Variants in KDM4C observed in about 807,000 individuals in gnomAD.
KDM4C encodes the protein lysine demethylase 4C.
In KDM4C, 81 loss-of-function variants were observed where a neutral mutation model predicts 129.3. That is an observed-to-expected ratio of 0.63 (90% CI 0.52 to 0.75). The LOEUF (loss-of-function observed/expected upper bound fraction) is 0.75, where lower values mean the gene tolerates loss of function less well. KDM4C is among the 30% of genes least tolerant of loss of function. The probability of loss-of-function intolerance (pLI) is 0.00; values close to 1 mark genes in which losing one functional copy is unlikely to be tolerated. For missense variants in KDM4C, 1,457 were observed against 1,304.0 expected, an observed-to-expected ratio of 1.12 and a Z score of -1.81; for synonymous variants, 573 against 456.1, an observed-to-expected ratio of 1.26 and a Z score of -3.26.
intron 1 of KDM4C, among the ~76,000 whole-genome samples, chr9:6,736,980 G>C (rs1009683806): frequency 6.6e-6 from 1 of 150,794 alleles, no homozygotes; most frequent in African/African-American, 2.4e-5. Flanking sequence ...GAACCTGGGA[G>C]GGGGAGGTTG....
chr9:7,166,343 A>C (rs115363719), intron 20 of KDM4C, among the ~76,000 whole-genome samples: 1,592 of 152,330 alleles, frequency 0.01, 37 homozygotes, highest in African/African-American at 0.036. Flanking sequence ...GTGTAATTAA[A>C]GGTGTTCAAA....
At chr9:6,755,325 C>T (rs976490839), upstream of KDM4C, among the ~76,000 whole-genome samples, 8 of 151,446 alleles carry the variant, frequency 5.3e-5, no homozygotes, top group South Asian at 2.1e-4. Flanking sequence ...GAGCTGAGAT[C>T]GCGCCACTGC....
intron 8 of KDM4C, among the ~76,000 whole-genome samples, chr9:6,942,042 T>C (rs1826042637): frequency 6.6e-6 from 1 of 152,224 alleles, no homozygotes; most frequent in East Asian, 1.9e-4. Context: ...AAAGGGCTCT[T>C]TTAAAAAGGG....
At chr9:7,042,116 G>T (rs1204240794) in intron 15 of KDM4C, among the ~76,000 whole-genome samples, 1 of 151,994 alleles carries the variant, frequency 6.6e-6, no homozygotes, top group Non-Finnish European at 1.5e-5. Context: ...TTCGTATTTA[G>T]TATGTGCTTA....
At chr9:7,127,844 C>T in intron 18 of KDM4C, 1 of 400,142 alleles carries the variant, frequency 2.5e-6, no homozygotes, top group South Asian at 5.2e-5. Flanking sequence ...ATGGATGAAC[C>T]TGGGTAAAGA....
chr9:7,026,314 T>C (rs1488060751), intron 15 of KDM4C, among the ~76,000 whole-genome samples: 1 of 152,152 alleles, frequency 6.6e-6, no homozygotes, highest in Non-Finnish European at 1.5e-5. Flanking sequence ...AGTCTTTTTT[T>C]CTCCTTTACG....
At chr9:7,056,960 C>G (rs1830953616) in intron 17 of KDM4C, among the ~76,000 whole-genome samples, 2 of 152,020 alleles carry the variant, frequency 1.3e-5, no homozygotes, top group Admixed American at 6.6e-5. Flanking sequence ...TTAGACAGCT[C>G]TAAACAATCT....
At chr9:6,956,072 T>A (rs1375903118) in intron 8 of KDM4C, among the ~76,000 whole-genome samples, 4 of 151,964 alleles carry the variant, frequency 2.6e-5, no homozygotes, top group Non-Finnish European at 5.9e-5. Flanking sequence ...CTCATGGACA[T>A]GGTAGAAGGA....
At chr9:6,913,897 A>G (rs1819802498) in intron 8 of KDM4C, among the ~76,000 whole-genome samples, 1 of 152,140 alleles carries the variant, frequency 6.6e-6, no homozygotes, top group South Asian at 2.1e-4. Flanking sequence ...GATGGAAGGG[A>G]TAGTATGAGA....
chr9:6,813,934 A>T (rs976449182), intron 3 of KDM4C, among the ~76,000 whole-genome samples: 1 of 152,170 alleles, frequency 6.6e-6, no homozygotes, highest in Non-Finnish European at 1.5e-5. Context: ...GCTAATTACT[A>T]GTTGATGGAT....
intron 1 of KDM4C, chr9:6,726,586 A>AC (rs1437953065): frequency 6.6e-6 from 1 of 152,136 alleles, no homozygotes; most frequent in African/African-American, 2.4e-5. Flanking sequence ...TACCATGGTC[A>AC]CCCTCCACAC....
chr9:6,823,024 G>T (rs984958770), intron 4 of KDM4C, among the ~76,000 whole-genome samples: 1 of 152,210 alleles, frequency 6.6e-6, no homozygotes, highest in Non-Finnish European at 1.5e-5. Flanking sequence ...GTAGCATAAT[G>T]ATGATTCTTC....
rs560047858 is a variant in KDM4C, at chr9:7,006,168, A to C, written c.1787-5530A>C. Reference sequence around the variant, plus strand: ...TTTATTAATCTGCAGGAATACTGCAAATTAGTATAAGTAGAAAACTTTTGG... The same window carrying C: ...TTTATTAATCTGCAGGAATACTGCACATTAGTATAAGTAGAAAACTTTTGG... On this transcript the variant is annotated intron_variant, in intron 12 of 21. Coordinates refer to ENST00000381309, the MANE Select transcript of KDM4C (RefSeq NM_015061.6). 3.3e-5 allele frequency among the ~76,000 whole-genome samples: 5 copies of C among 152,356 alleles called. No individual in the cohort carries two copies. The South Asian group carries it at 1.0e-3, about 32-fold the overall frequency.
intron 1 of KDM4C, among the ~76,000 whole-genome samples, chr9:6,790,009 C>CA (rs1317202643): frequency 1.4e-5 from 2 of 144,690 alleles, no homozygotes; most frequent in Non-Finnish European, 1.5e-5. Context: ...TGCGGTGGCT[C>CA]ACGCCTGTAA....
chr9:7,094,033 G>A (rs892025132), intron 17 of KDM4C, among the ~76,000 whole-genome samples: 1 of 152,174 alleles, frequency 6.6e-6, no homozygotes, highest in Non-Finnish European at 1.5e-5. Flanking sequence ...AACCTCTTAC[G>A]TATGCTATCT....
intron 1 of KDM4C, among the ~76,000 whole-genome samples, chr9:6,722,937 C>T (rs34280544): frequency 0.087 from 13,167 of 152,008 alleles, 749 homozygotes; most frequent in Non-Finnish European, 0.12. Flanking sequence ...GAGTCGAAAT[C>T]GCACGACTGC....
chr9:6,831,274 A>C (rs1834769992), intron 4 of KDM4C, among the ~76,000 whole-genome samples: 1 of 152,182 alleles, frequency 6.6e-6, no homozygotes, highest in Non-Finnish European at 1.5e-5. Flanking sequence ...ATTTGAGGTA[A>C]GTAGCCTGGG....
intron 12 of KDM4C, among the ~76,000 whole-genome samples, chr9:6,999,137 G>C (rs1820311728): frequency 6.6e-6 from 1 of 152,144 alleles, no homozygotes; most frequent in South Asian, 2.1e-4. Context: ...ATTTAGAATT[G>C]GCTGTTGCCC....
intron 15 of KDM4C, among the ~76,000 whole-genome samples, chr9:7,037,400 G>A (rs1173835158): frequency 2.6e-5 from 4 of 152,006 alleles, no homozygotes; most frequent in South Asian, 2.1e-4. Context: ...GATTTCCCTC[G>A]GCTGCAAATA....
Sources: gnomAD v4.1 joint callset for allele counts (sites outside exome capture counted in the v4.1 genomes callset) on GRCh38, gnomAD v4.1.1 for gene constraint, MANE v1.5 for transcripts, NCBI Gene and HGNC (gene_info 2026-07-23, HGNC 2026-07-21) for gene names.